ERCC6L2: variants seen among roughly 807,000 people sequenced by gnomAD.
ERCC6L2 encodes DNA excision repair protein ERCC-6-like 2.
A neutral mutation model predicts 132.0 loss-of-function variants in ERCC6L2; 77 were observed. The ratio of observed to expected loss-of-function variants is 0.58; its 90% confidence interval spans 0.49 to 0.71. The LOEUF (loss-of-function observed/expected upper bound fraction) is 0.71. Ranked by LOEUF, ERCC6L2 falls within the 30% of genes least tolerant of loss-of-function variation. The pLI is 0.00. For synonymous variants in ERCC6L2, 583 were observed against 632.4 expected (o/e 0.92, Z 1.17); for missense variants, 1,542 against 1,837.6 (o/e 0.84, Z 2.94).
chr9:95,971,417 A>C (rs1198978190), intron 15 of ERCC6L2: 1 of 152,196 alleles, frequency 6.6e-6, no homozygotes, highest in Non-Finnish European at 1.5e-5. Context: ...ATTTGTAGCA[A>C]ATTTTACTTC....
intron 7 of ERCC6L2, among the ~76,000 whole-genome samples, chr9:95,921,890 C>T (rs1449588572): frequency 3.3e-5 from 5 of 152,056 alleles, no homozygotes; most frequent in Non-Finnish European, 5.9e-5. Flanking sequence ...TATTTGGTCT[C>T]ATTTATTTTG....
intron 12 of ERCC6L2, among the ~76,000 whole-genome samples, chr9:95,952,751 A>C (rs1174038367): frequency 6.6e-5 from 10 of 152,012 alleles, no homozygotes; most frequent in Admixed American, 5.2e-4. Flanking sequence ...AAGGCACGAG[A>C]ATCACTTAAG....
At chr9:96,032,987 GGTGATTTAGCAGCCT>G (rs1332155450) in intron 19 of ERCC6L2, among the ~76,000 whole-genome samples, 5 of 152,122 alleles carry the variant, frequency 3.3e-5, no homozygotes, top group African/African-American at 1.2e-4. Context: ...CTCGTGTGTC[GGTGATTTAGCAGCCT>G]GTACCAGTGG....
intron 17 of ERCC6L2, among the ~76,000 whole-genome samples, chr9:96,004,303 C>T (rs1833788992): frequency 6.6e-6 from 1 of 151,992 alleles, no homozygotes; most frequent in Non-Finnish European, 1.5e-5. Flanking sequence ...CGTATTATTG[C>T]CAATACTTGT....
In ERCC6L2 at chr9:95,972,918, C is replaced by G; in HGVS notation, c.3167C>G (p.Ser1056Cys). Reference protein sequence around the residue: ...ESLSVSHFSFSKQSHRPRTIR... With the variant: ...ESLSVSHFSFCKQSHRPRTIR... ...TTATCCGTCAGCCACTTCAGTTTCTCTAAACAGAGCCACAGACCAAGAACT... is the reference window on the plus strand; with the variant it reads ...TTATCCGTCAGCCACTTCAGTTTCTGTAAACAGAGCCACAGACCAAGAACT... The change falls in exon 16 of 19, where the codon TCT (serine) becomes TGT (cysteine). Residue 1056 changes from serine (S) to cysteine (C), a missense_variant. Coordinates refer to ENST00000653738, the MANE Select transcript of ERCC6L2 (RefSeq NM_020207.7). 7.7e-7 allele frequency: 1 copy of G among 1,306,164 alleles called. No individual in the cohort carries two copies. The allele number at this position is 1,306,164 out of a possible 1,614,324, so 80.9% of individuals were successfully genotyped here.
At chr9:96,040,237 G>T (rs1448525048) in intron 20 of ERCC6L2, among the ~76,000 whole-genome samples, 1 of 151,116 alleles carries the variant, frequency 6.6e-6, no homozygotes, top group Admixed American at 6.7e-5. Flanking sequence ...CACTCTTCCT[G>T]CTCATGTCCT....
At chr9:95,969,607 A>G (rs1225183434) in intron 14 of ERCC6L2, among the ~76,000 whole-genome samples, 4 of 152,306 alleles carry the variant, frequency 2.6e-5, no homozygotes, top group Non-Finnish European at 5.9e-5. Context: ...TAAGATTTCT[A>G]GTACTGCCAC....
chr9:95,932,619 CTTTATA>C (rs920998497), intron 11 of ERCC6L2, among the ~76,000 whole-genome samples: 1 of 152,062 alleles, frequency 6.6e-6, no homozygotes, highest in African/African-American at 2.4e-5. Context: ...CATGGTATCT[CTTTATA>C]TTTATTTAGG....
chr9:96,007,044 A>G (rs989153701), intron 18 of ERCC6L2, among the ~76,000 whole-genome samples: 1 of 152,204 alleles, frequency 6.6e-6, no homozygotes, highest in Non-Finnish European at 1.5e-5. Flanking sequence ...GAGAGAAGCA[A>G]GGAAGCTGAA....
At chr9:95,979,799 G>A (rs534552527) in intron 17 of ERCC6L2, among the ~76,000 whole-genome samples, 1 of 152,160 alleles carries the variant, frequency 6.6e-6, no homozygotes, top group African/African-American at 2.4e-5. Flanking sequence ...AAGACAGGCG[G>A]AATTATGTTG....
rs1564306577 is a variant in ERCC6L2 at position 96,015,020 on chromosome 9, T to TTTTG, written c.*1820_*1821insGTTT. Among the ~76,000 whole-genome samples, 1 of 120,056 alleles carries TTTTG rather than the reference T, an allele frequency of 8.3e-6. No homozygotes were observed. Among genetic ancestry groups the TTTTG allele is most frequent in the African/African-American group, 3.7e-5 (1 of 27,220 alleles). The allele number at this position is 120,056 out of a possible 152,430, so 78.8% of individuals were successfully genotyped here. A position where few individuals can be genotyped will look rare whatever the true frequency, so the allele number is the denominator to read the frequency against. ...ATAGTCTTCATATATGTACAGTTTT[T>TTTTG]TTTTTTTTTTTTTTTTTTTTGAGAT... On this transcript the variant is annotated 3_prime_UTR_variant, in exon 19 of 19. Transcript: ENST00000653738.
At chr9:95,993,129 A>T (rs537346814) in intron 17 of ERCC6L2, among the ~76,000 whole-genome samples, 1 of 152,274 alleles carries the variant, frequency 6.6e-6, no homozygotes, top group African/African-American at 2.4e-5. Flanking sequence ...TCCCAGATCC[A>T]AATCTCCCTT....
intron 4 of ERCC6L2, among the ~76,000 whole-genome samples, chr9:95,909,925 T>C (rs1829264070): frequency 1.3e-5 from 2 of 152,206 alleles, no homozygotes; most frequent in African/African-American, 4.8e-5. Context: ...TTGCTTCGTA[T>C]TCTCAGCAAC....
At chr9:95,910,178 T>TAA (rs1829275976) in intron 4 of ERCC6L2, among the ~76,000 whole-genome samples, 1 of 152,224 alleles carries the variant, frequency 6.6e-6, no homozygotes, top group Non-Finnish European at 1.5e-5. Flanking sequence ...GTTGAAATCT[T>TAA]CAGTTGTAAT....
chr9:95,876,814 G>A (rs1208328203), intron 1 of ERCC6L2: 1 of 152,182 alleles, frequency 6.6e-6, no homozygotes, highest in Non-Finnish European at 1.5e-5. Flanking sequence ...GTTCAGAGAG[G>A]GCAAGTTACA....
chr9:95,951,866 T>C (rs959630541), intron 12 of ERCC6L2, among the ~76,000 whole-genome samples: 1 of 152,014 alleles, frequency 6.6e-6, no homozygotes, highest in Non-Finnish European at 1.5e-5. Context: ...CTACCAAGCA[T>C]TTAAAGAATT....
At chr9:95,898,955 G>A (rs1828612255) in intron 3 of ERCC6L2, among the ~76,000 whole-genome samples, 1 of 151,996 alleles carries the variant, frequency 6.6e-6, no homozygotes, top group African/African-American at 2.4e-5. Flanking sequence ...AGAGAATAAT[G>A]GTTCTTAATG....
intron 3 of ERCC6L2, 123 bp downstream of exon 3, chr9:95,898,094 A>C (rs62562960): frequency 1.4e-5 from 12 of 886,896 alleles, no homozygotes; most frequent in Non-Finnish European, 1.9e-5. Context: ...GAATTTAAAG[A>C]TGTTATTAAA....
chr9:95,948,119 C>T (rs1831150650), intron 12 of ERCC6L2, among the ~76,000 whole-genome samples: 1 of 152,178 alleles, frequency 6.6e-6, no homozygotes, highest in East Asian at 1.9e-4. Context: ...TGGTCAAAGT[C>T]TGTTAAAAAC....
Sources: allele counts gnomAD v4.1 joint callset (sites outside exome capture counted in the v4.1 genomes callset), GRCh38; gene constraint gnomAD v4.1.1; transcripts MANE v1.5; gene names NCBI Gene and HGNC (gene_info 2026-07-23, HGNC 2026-07-21).